SPON1: variants seen among roughly 807,000 people sequenced by gnomAD.
SPON1 encodes spondin 1, also known as spondin-1.
In SPON1, 52 loss-of-function variants were observed where a neutral mutation model predicts 111.7. That is an observed-to-expected ratio of 0.47 (90% confidence interval 0.37 to 0.59). The LOEUF (loss-of-function observed/expected upper bound fraction) is 0.59. Among genes scored for constraint, SPON1 ranks in the 20% least tolerant of loss-of-function variants. The pLI is 0.00. For missense variants in SPON1, 957 were observed against 1,068.5 expected (o/e 0.90, Z 1.46); for synonymous variants, 410 against 395.8 (o/e 1.04, Z -0.43).
chr11:14,250,681 T>C (rs1849043918), intron 7 of SPON1, among the ~76,000 whole-genome samples: 1 of 152,126 alleles, frequency 6.6e-6, no homozygotes, highest in South Asian at 2.1e-4. Context: ...TGAAACCAAA[T>C]TAACAAAATA....
At chr11:14,024,117 G>T (rs1237121073) in intron 2 of SPON1, among the ~76,000 whole-genome samples, 1 of 152,162 alleles carries the variant, frequency 6.6e-6, no homozygotes, top group Non-Finnish European at 1.5e-5. Flanking sequence ...ACCCCTAAAG[G>T]GAGAATGCAG....
chr11:13,981,616 G>A (rs1252932145), intron 1 of SPON1, among the ~76,000 whole-genome samples: 5 of 152,202 alleles, frequency 3.3e-5, no homozygotes, highest in African/African-American at 7.2e-5. Context: ...GTGAGCCACC[G>A]TGCCCGGCCG....
intron 6 of SPON1, among the ~76,000 whole-genome samples, chr11:14,212,290 T>G (rs1554936819): frequency 6.6e-6 from 1 of 152,212 alleles, no homozygotes; most frequent in East Asian, 1.9e-4. Context: ...CCTTGCTTTT[T>G]GGGGATATTC....
chr11:14,070,593 A>G (rs1235827539), intron 3 of SPON1, among the ~76,000 whole-genome samples: 1 of 152,196 alleles, frequency 6.6e-6, no homozygotes. Flanking sequence ...ACTTACATGA[A>G]TTGTCTCTAT....
chr11:14,223,648 A>C (rs943955236), intron 6 of SPON1, among the ~76,000 whole-genome samples: 4 of 152,172 alleles, frequency 2.6e-5, no homozygotes, highest in Non-Finnish European at 5.9e-5. Context: ...AAACTGGGGC[A>C]TACCCCCTCA....
chr11:14,259,244 C>T lies in SPON1; in HGVS notation c.1493-36C>T, dbSNP rs1554941574. Reference sequence around the variant, plus strand: ...GCAGCCTGGCAGGCGCCCCTGCCACCGTGCACTGCTGCAGCGTTCACTCGG... The same window carrying T: ...GCAGCCTGGCAGGCGCCCCTGCCACTGTGCACTGCTGCAGCGTTCACTCGG... On this transcript the variant is annotated intron_variant, in intron 11 of 15. Transcript: ENST00000576479. This position sits in a 1 kb window ranked among gnomAD's most constrained non-coding sequence, Gnocchi z 5.0. 3.2e-6 allele frequency: 5 copies of T among 1,556,874 alleles called. No homozygotes were observed. The highest frequency in any genetic ancestry group is 3.5e-6 in the Non-Finnish European group (4 of 1,148,580).
rs376796504 is a variant in SPON1, at chr11:13,963,011, A to T, written c.107A>T (p.Lys36Ile). The T allele has an allele frequency of 2.1e-4, 335 of 1,593,198 alleles. 1 individual carries two copies. The African/African-American group carries it at 4.2e-3, about 20-fold the overall frequency. ...ALAFSDETLDKVPKSEGYCSR... is the reference protein window; with the variant it reads ...ALAFSDETLDIVPKSEGYCSR... ...GCCTTCTCCGACGAGACCCTGGACA[A>T]AGTGCCCAAGTCAGAGGGCTACTGC... is the stretch of plus-strand genomic sequence containing the variant. Residue 36 changes from lysine to isoleucine, a missense_variant, in exon 1 of 16, where the codon AAA (lysine) becomes ATA (isoleucine). Physicochemically the swap from Lys to Ile is moderately radical, Grantham distance 102. Around this residue, in one of 5 missense-constraint regions of SPON1, gnomAD observed 262 missense variants for 253.9 expected, o/e 1.03. Transcript: ENST00000576479.
intron 2 of SPON1, among the ~76,000 whole-genome samples, chr11:14,021,133 C>G (rs1489600412): frequency 3.9e-5 from 6 of 152,028 alleles, no homozygotes; most frequent in African/African-American, 1.4e-4. Flanking sequence ...CTACTTTATA[C>G]CTATTTGTAT....
At chr11:13,969,051 A>G (rs1455777441) in intron 1 of SPON1, among the ~76,000 whole-genome samples, 1 of 152,160 alleles carries the variant, frequency 6.6e-6, no homozygotes. Flanking sequence ...AGGTGGGTCA[A>G]CTTGACAACA....
At chr11:14,033,300 C>T (rs1188439675) in intron 2 of SPON1, among the ~76,000 whole-genome samples, 2 of 152,232 alleles carry the variant, frequency 1.3e-5, no homozygotes, top group African/African-American at 4.8e-5. Flanking sequence ...CCAGATGCCA[C>T]TTACGTGGAC....
chr11:14,238,265 T>C (rs1309554399), intron 6 of SPON1, among the ~76,000 whole-genome samples: 1 of 152,140 alleles, frequency 6.6e-6, no homozygotes, highest in Non-Finnish European at 1.5e-5. Context: ...GGTAGGGGCA[T>C]CAGGCAAGTT....
rs1337664494 is a variant in SPON1, at chr11:14,079,841, C to T, written c.554-58C>T. Reference sequence around the variant, plus strand: ...GGATAAAATGAGACCATGATAGCACCACCTTATATACAACCCACGTTTACT... The same window carrying T: ...GGATAAAATGAGACCATGATAGCACTACCTTATATACAACCCACGTTTACT... On this transcript the variant is annotated intron_variant, in intron 4 of 15. Transcript: ENST00000576479. The T allele has an allele frequency of 6.9e-6, 11 of 1,599,280 alleles. No homozygotes were observed. The South Asian group carries it at 1.0e-4, about 15-fold the overall frequency.
At chr11:14,021,590 C>A (rs543750965) in intron 2 of SPON1, among the ~76,000 whole-genome samples, 1 of 152,284 alleles carries the variant, frequency 6.6e-6, no homozygotes, top group East Asian at 1.9e-4. Flanking sequence ...AGAGCCAAAT[C>A]ACATTTTAGA....
chr11:14,117,039 C>T (rs1432179056), intron 5 of SPON1, among the ~76,000 whole-genome samples: 2 of 152,050 alleles, frequency 1.3e-5, no homozygotes, highest in Non-Finnish European at 2.9e-5. Flanking sequence ...ATAAAATTGA[C>T]TTTTGTATTT....
chr11:14,235,206 G>A (rs771355021), intron 6 of SPON1, among the ~76,000 whole-genome samples: 6 of 152,168 alleles, frequency 3.9e-5, no homozygotes, highest in African/African-American at 7.2e-5. Flanking sequence ...GAGTGCCCAC[G>A]GACTGGGCCT....
chr11:14,158,842 C>A (rs1483749926), intron 6 of SPON1, among the ~76,000 whole-genome samples: 2 of 152,128 alleles, frequency 1.3e-5, no homozygotes, highest in Non-Finnish European at 2.9e-5. Flanking sequence ...GGTTCTGTCT[C>A]TCCTACATGC....
intron 2 of SPON1, among the ~76,000 whole-genome samples, chr11:13,997,358 A>G (rs1024671181): frequency 6.5e-4 from 99 of 152,242 alleles, no homozygotes; most frequent in Non-Finnish European, 1.8e-4. Flanking sequence ...TTGGACTAGG[A>G]GTCAAATTCT....
intron 5 of SPON1, among the ~76,000 whole-genome samples, chr11:14,086,800 A>G (rs1344590410): frequency 2.0e-5 from 3 of 152,148 alleles, no homozygotes; most frequent in African/African-American, 7.2e-5. Context: ...TTGGTAGGCT[A>G]TTAATTAATG....
intron 7 of SPON1, among the ~76,000 whole-genome samples, chr11:14,246,545 C>T (rs763641869): frequency 1.3e-5 from 2 of 152,196 alleles, no homozygotes; most frequent in Non-Finnish European, 2.9e-5. Context: ...GCCAATGAGC[C>T]TTCTGATTGG....
Sources: gnomAD v4.1 joint callset for allele counts (sites outside exome capture counted in the v4.1 genomes callset) on GRCh38, gnomAD v4.1.1 for gene constraint, gnomAD v4.1.1 regional missense constraint, Gnocchi (gnomAD v3.1) non-coding constraint, MANE v1.5 for transcripts, NCBI Gene and HGNC (gene_info 2026-07-23, HGNC 2026-07-21) for gene names.